SRGAP1: variants seen among roughly 807,000 people sequenced by gnomAD.
SRGAP1 encodes the protein SLIT-ROBO Rho GTPase activating protein 1.
In SRGAP1, 43 loss-of-function variants were observed where a neutral mutation model predicts 121.9. That is an observed-to-expected ratio of 0.35 (90% CI 0.28 to 0.46). SRGAP1 has a LOEUF of 0.46. Ranked by LOEUF, SRGAP1 falls within the 20% of genes least tolerant of loss-of-function variation. The pLI is 1.00. For missense variants in SRGAP1, 1,102 were observed against 1,350.9 expected (o/e 0.82, Z 2.89); for synonymous variants, 447 against 485.4 (o/e 0.92, Z 1.04).
rs551827695 is a variant in SRGAP1 at position 64,139,680 on chromosome 12, A to G, written c.2881-2615A>G. Among the ~76,000 whole-genome samples, 344 of 151,656 alleles carry G rather than the reference A, an allele frequency of 2.3e-3. 1 individual carries two copies. The highest frequency in any genetic ancestry group is 8.2e-3 in the African/African-American group (338 of 41,310). ...GAGTAGGTTGCGAAAATTTTCTCCC[A>G]TTTTGTAGGTTGCCTGTTCACTCTG... is the stretch of plus-strand genomic sequence containing the variant. On this transcript the variant is annotated intron_variant, in intron 21 of 21. Coordinates refer to ENST00000355086, the MANE Select transcript of SRGAP1 (RefSeq NM_020762.4).
intron 1 of SRGAP1, among the ~76,000 whole-genome samples, chr12:63,978,467 G>A (rs747112533): frequency 1.3e-5 from 2 of 152,038 alleles, no homozygotes; most frequent in Admixed American, 6.5e-5. Flanking sequence ...ATAGACTGTG[G>A]TTTTTTGTGA....
chr12:64,111,649 C>T, intron 16 of SRGAP1, 113 bp from the exon 17 acceptor site: 1 of 913,442 alleles, frequency 1.1e-6, no homozygotes, highest in Non-Finnish European at 1.6e-6. Flanking sequence ...GTTTGCTGAG[C>T]CAACTTAAAG....
rs71089906 is a variant in SRGAP1 at position 63,949,396 on chromosome 12, TTTATTATTATTATTA to T, written c.68-34518_68-34504del. On this transcript the variant is annotated intron_variant, in intron 1 of 21. Coordinates refer to ENST00000355086, the MANE Select transcript of SRGAP1 (RefSeq NM_020762.4). ...TGTCTTGGATCAGACATTTTTATTATTTATTATTATTATTATTATTATTATTATTATTATTATTAT... is the reference window on the plus strand; with the variant it reads ...TGTCTTGGATCAGACATTTTTATTATTTATTATTATTATTATTATTATTAT... 2.4e-3 allele frequency among the ~76,000 whole-genome samples: 304 copies of T among 126,066 alleles called. 13 individuals carry two copies. In the East Asian group the frequency reaches 0.051, roughly 21 times the overall value. The allele number at this position is 126,066 out of a possible 152,430, so 82.7% of individuals were successfully genotyped here.
chr12:63,884,978 C>A (rs956909795), intron 1 of SRGAP1, among the ~76,000 whole-genome samples: 5 of 152,176 alleles, frequency 3.3e-5, no homozygotes, highest in African/African-American at 7.2e-5. Flanking sequence ...CCTCGGCCTC[C>A]CAAAGTGCTG....
At chr12:64,042,607 T>C (rs1444363853) in intron 4 of SRGAP1, among the ~76,000 whole-genome samples, 183 bp from the exon 5 acceptor site, 1 of 152,154 alleles carries the variant, frequency 6.6e-6, no homozygotes, top group African/African-American at 2.4e-5. Flanking sequence ...TGAATTTGCA[T>C]ATTTCTGTGT....
At chr12:64,112,111 A>G (rs1490278334) in intron 17 of SRGAP1, 125 bp downstream of exon 17, 1 of 743,386 alleles carries the variant, frequency 1.3e-6, no homozygotes, top group East Asian at 2.7e-5. Flanking sequence ...AAGAAGCAGT[A>G]AAACTTGAAA....
At chr12:63,903,735 A>G (rs1353332096) in intron 1 of SRGAP1, among the ~76,000 whole-genome samples, 1 of 151,598 alleles carries the variant, frequency 6.6e-6, no homozygotes, top group African/African-American at 2.4e-5. Context: ...CTCAGGTTCA[A>G]GCAATTCTCC....
chr12:63,873,663 T>TTTTA (rs1899931954), intron 1 of SRGAP1, among the ~76,000 whole-genome samples: 1 of 124,534 alleles, frequency 8.0e-6, no homozygotes, highest in Admixed American at 7.8e-5. Context: ...TTAGATTTTA[T>TTTTA]TTTATTTATT....
intron 1 of SRGAP1, among the ~76,000 whole-genome samples, chr12:63,912,530 C>T (rs1394761202): frequency 6.6e-6 from 1 of 152,070 alleles, no homozygotes; most frequent in East Asian, 1.9e-4. Context: ...GGGAGGATGG[C>T]TTGAGCCCAG....
rs3057149 is a variant in SRGAP1 at position 64,086,722 on chromosome 12, GAAAAAA to G, written c.1409-262_1409-257del. On this transcript the variant is annotated intron_variant, in intron 10 of 21. Transcript: ENST00000355086. ...AAGCAGCTATTCTTGTTTCTTTTCTGAAAAAAAAAAAAAAAAAAAACACAGCCTCAA... is the reference window on the plus strand; with the variant it reads ...AAGCAGCTATTCTTGTTTCTTTTCTGAAAAAAAAAAAAAACACAGCCTCAA... 5.5e-3 allele frequency among the ~76,000 whole-genome samples: 659 copies of G among 120,252 alleles called. 5 individuals carry two copies. The highest frequency in any genetic ancestry group is 0.018 in the African/African-American group (601 of 32,788). The allele number at this position is 120,252 out of a possible 152,430, so 78.9% of individuals were successfully genotyped here.
At chr12:64,055,992 A>T (rs1449484931) in intron 6 of SRGAP1, among the ~76,000 whole-genome samples, 2 of 152,168 alleles carry the variant, frequency 1.3e-5, no homozygotes, top group African/African-American at 4.8e-5. Flanking sequence ...GGCATCTTGA[A>T]CATGTAAAAT....
intron 1 of SRGAP1, among the ~76,000 whole-genome samples, chr12:63,863,336 G>T (rs1245504478): frequency 1.3e-5 from 2 of 148,162 alleles, no homozygotes; most frequent in East Asian, 4.0e-4. Context: ...GCAGTGGCAT[G>T]ATCTGGGTTC....
At chr12:64,071,791 T>C (rs750327435) in intron 8 of SRGAP1, among the ~76,000 whole-genome samples, 4 of 152,128 alleles carry the variant, frequency 2.6e-5, no homozygotes, top group Non-Finnish European at 5.9e-5. Flanking sequence ...CTAGCATTTG[T>C]AAACATTACC....
At chr12:63,897,289 T>C (rs1900785070) in intron 1 of SRGAP1, among the ~76,000 whole-genome samples, 1 of 152,236 alleles carries the variant, frequency 6.6e-6, no homozygotes, top group East Asian at 1.9e-4. Flanking sequence ...TAATTGCTTT[T>C]GTTTGGAAAT....
chr12:64,071,990 G>A (rs2035645697), intron 8 of SRGAP1, among the ~76,000 whole-genome samples: 1 of 152,046 alleles, frequency 6.6e-6, no homozygotes, highest in Admixed American at 6.5e-5. Context: ...TAGGGTACAA[G>A]GAGCAAGAGA....
intron 1 of SRGAP1, among the ~76,000 whole-genome samples, chr12:63,981,761 T>G (rs2033254410): frequency 6.6e-6 from 1 of 152,200 alleles, no homozygotes. Context: ...TGAGAAATTC[T>G]TCCCTGTTTT....
intron 1 of SRGAP1, among the ~76,000 whole-genome samples, chr12:63,900,058 T>TA (rs1310252011): frequency 6.6e-6 from 1 of 152,176 alleles, no homozygotes. Flanking sequence ...CTTAAACTGT[T>TA]ACAGATTTCC....
At chr12:64,054,588 A>G (rs1348329454) in intron 6 of SRGAP1, among the ~76,000 whole-genome samples, 1 of 152,210 alleles carries the variant, frequency 6.6e-6, no homozygotes. Flanking sequence ...TGGAGAGATC[A>G]TGTTAAATGG....
chr12:64,132,288 C>A (rs1183968671), intron 21 of SRGAP1, among the ~76,000 whole-genome samples: 1 of 152,196 alleles, frequency 6.6e-6, no homozygotes, highest in Non-Finnish European at 1.5e-5. Context: ...AAACAGCATC[C>A]CTATCTGCCA....
Sources: allele counts gnomAD v4.1 joint callset (sites outside exome capture counted in the v4.1 genomes callset), GRCh38; gene constraint gnomAD v4.1.1; transcripts MANE v1.5; gene names NCBI Gene and HGNC (gene_info 2026-07-23, HGNC 2026-07-21).